MAN2A2: variants seen among roughly 807,000 people sequenced by gnomAD.
MAN2A2 encodes mannosidase alpha class 2A member 2, also known as alpha-mannosidase 2x.
MAN2A2 carries 79 observed loss-of-function variants against 126.8 expected under a neutral mutation model. The observed-to-expected ratio is 0.62, with a 90% CI of 0.52 to 0.75. The LOEUF is 0.75. Among genes scored for constraint, MAN2A2 ranks in the 30% least tolerant of loss-of-function variants. The pLI is 0.00. For synonymous variants in MAN2A2, 671 were observed against 618.7 expected, an observed-to-expected ratio of 1.08 and a Z score of -1.25; for missense variants, 1,392 against 1,522.4, an observed-to-expected ratio of 0.91 and a Z score of 1.43.
chr15:90,910,794 G>T lies in MAN2A2; in HGVS notation c.1761-53G>T. 1.9e-6 allele frequency: 3 copies of T among 1,600,416 alleles called. No homozygotes were observed. The South Asian group carries it at 3.3e-5, about 18-fold the overall frequency. On this transcript the variant is annotated intron_variant, in intron 11 of 22. Transcript: ENST00000559717. The stretch of plus-strand genomic sequence containing the variant: ...TAGGGCTTGTCCTGCTGACAAGGCA[G>T]ACAGCTTCCCTATGGTCATCTTCTC...
Position 90,911,245 on chromosome 15 carries a change from T to C in MAN2A2, c.1943+7T>C. 1 of 1,614,038 alleles carries C rather than the reference T, an allele frequency of 6.2e-7. No homozygotes were observed. The highest frequency in any genetic ancestry group is 1.1e-5 in the South Asian group (1 of 91,076). On this transcript the variant is annotated splice_region_variant and intron_variant, in intron 13 of 22. Transcript: ENST00000559717. Reference sequence around the variant, plus strand: ...AGCTGGATTCCTCGCCCAGGTAACCTGGACTACGCCATGTGCAGAGAGGCA... The same window carrying C: ...AGCTGGATTCCTCGCCCAGGTAACCCGGACTACGCCATGTGCAGAGAGGCA...
intron 19 of MAN2A2, 21 bp from the exon 20 acceptor site, chr15:90,916,102 A>G: frequency 6.2e-7 from 1 of 1,612,458 alleles, no homozygotes; most frequent in Admixed American, 1.7e-5. Flanking sequence ...GCGGGCCAGC[A>G]CTCACTGTTT....
At position 90,922,517 on chromosome 15, in the gene MAN2A2, C is replaced by T. The variant is rs1332266487; in HGVS notation, c.*2730C>T. The T allele has an allele frequency of 6.6e-6, 1 of 152,090 alleles. No homozygotes were observed. Among genetic ancestry groups the T allele is most frequent in the Non-Finnish European group, 1.5e-5 (1 of 68,030 alleles). 9.4% of individuals were successfully genotyped at this position (152,090 alleles called of 1,614,324 possible). ...TTTGCTAGTAGAATTTGTAATCAAA[C>T]AATAGGAGGGGAATCTGTGAACGCC... On this transcript the variant is annotated 3_prime_UTR_variant, in exon 23 of 23. Coordinates refer to ENST00000559717, the MANE Select transcript of MAN2A2 (RefSeq NM_006122.4).
chr15:90,904,074 C>A (rs1162747295), intron 1 of MAN2A2, 116 bp from the exon 2 acceptor site: 2 of 1,165,846 alleles, frequency 1.7e-6, no homozygotes, highest in South Asian at 1.2e-5. Context: ...CTACTTGGAG[C>A]CAGGCAAATG....
chr15:90,906,912 G>A lies in MAN2A2; in HGVS notation c.1008G>A (p.Trp336Ter). The change falls in exon 7 of 23, where the codon TGG (tryptophan) becomes TGA (stop). Residue 336 changes from tryptophan to a stop codon, truncating the protein, a stop_gained and splice_region_variant. Coordinates refer to ENST00000559717, the MANE Select transcript of MAN2A2 (RefSeq NM_006122.4). LOFTEE classifies it high-confidence loss of function. Reference protein sequence around the residue: ...HSLEFMWRQTWDSDSSTDIFC... With the variant: ...HSLEFMWRQT ...TAGAGTTCATGTGGAGGCAGACATG[G>A]GGTAAGGCCGGGTAGGGTAGAGGGG... The A allele has an allele frequency of 6.2e-7, 1 of 1,613,732 alleles. No homozygotes were observed.
At chr15:90,907,631 C>A in intron 8 of MAN2A2, 136 bp downstream of exon 8, 1 of 788,308 alleles carries the variant, frequency 1.3e-6, no homozygotes, top group Non-Finnish European at 2.0e-6. Flanking sequence ...CTTACTAAGT[C>A]TCCTGAAAAA....
At position 90,911,549 on chromosome 15, in the gene MAN2A2, A is replaced by C. The variant is rs766663597; in HGVS notation, c.2108A>C (p.Gln703Pro). The C allele has an allele frequency of 6.2e-7, 1 of 1,609,822 alleles. No individual in the cohort carries two copies. Among genetic ancestry groups the C allele is most frequent in the African/African-American group, 1.3e-5 (1 of 74,832 alleles). ...SATEAVPDVY[Q>P]VSVPVRLPAL... Reference sequence around the variant, plus strand: ...ACCGAGGCGGTCCCTGACGTCTACCAGGTGAGGTGTGGGCTTGTCAGGTGG... The same window carrying C: ...ACCGAGGCGGTCCCTGACGTCTACCCGGTGAGGTGTGGGCTTGTCAGGTGG... The change falls in exon 14 of 23, where the codon CAG (glutamine) becomes CCG (proline). Residue 703 changes from glutamine (Q) to proline (P), a missense_variant and splice_region_variant. Physicochemically the swap from Gln to Pro is moderately conservative, Grantham distance 76 (BLOSUM62 -1). Transcript: ENST00000559717.
chr15:90,905,505 G>C lies in MAN2A2; in HGVS notation c.387G>C (p.Leu129=), dbSNP rs1351854440. The change falls in exon 3 of 23, where the codon CTG becomes CTC. Residue 129 remains leucine (L), a synonymous_variant. Transcript: ENST00000559717. ...GGGGCCGGGGTCAGAAGCCAGAGCT[G>C]CAGGTAAGAGTCAGAGCTGGCAGGG... The part of the protein sequence containing the change: ...ALGGRGQKPE[L]QMLTVSEELP... The C allele has an allele frequency of 1.2e-6, 2 of 1,614,128 alleles. No homozygotes were observed. Among genetic ancestry groups the C allele is most frequent in the South Asian group, 2.2e-5 (2 of 91,088 alleles).
At chr15:90,904,410 C>A in intron 2 of MAN2A2, 71 bp downstream of exon 2, 1 of 1,507,640 alleles carries the variant, frequency 6.6e-7, no homozygotes, top group East Asian at 2.4e-5. Context: ...CCTCCCACCC[C>A]GCCGCCTCCC....
At chr15:90,916,358 A>G (rs998798434) in intron 20 of MAN2A2, 102 bp downstream of exon 20, 3 of 1,447,656 alleles carry the variant, frequency 2.1e-6, no homozygotes, top group Middle Eastern at 2.2e-4. Context: ...GGAGGTGGGC[A>G]AGAGAGAGAG....
chr15:90,910,594 G>A lies in MAN2A2; in HGVS notation c.1671G>A (p.Thr557=), dbSNP rs1202836519. The A allele has an allele frequency of 1.3e-5, 21 of 1,614,044 alleles. No individual in the cohort carries two copies. The highest frequency in any genetic ancestry group is 1.5e-5 in the Non-Finnish European group (18 of 1,180,032). Residue 557 remains threonine (T), a synonymous_variant, in exon 11 of 23, where the codon ACG becomes ACA. Transcript: ENST00000559717. The part of the protein sequence containing the change: ...RYPLSDFTLL[T]EARRTLGLFQ... ...CACTGTCTGATTTCACCCTCCTGAC[G>A]GAAGCTCGGCGCACATTGGGGCTCT...
upstream of MAN2A2, chr15:90,902,929 A>G (rs1301688073): frequency 6.6e-6 from 1 of 150,648 alleles, no homozygotes; most frequent in African/African-American, 2.4e-5. Flanking sequence ...GAGAGCCGGC[A>G]GCTCGGCCGA....
In MAN2A2 at chr15:90,910,679, G is replaced by T. The variant is rs1184882455; in HGVS notation, c.1756G>T (p.Val586Phe). Residue 586 changes from valine to phenylalanine, a missense_variant, in exon 11 of 23, where the codon GTC (valine) becomes TTC (phenylalanine). Transcript: ENST00000559717. ...AKEAVVVDYGVRLLRSLVNLK... is the reference protein window; with the variant it reads ...AKEAVVVDYGFRLLRSLVNLK... ...GGAGGCTGTGGTGGTGGACTATGGG[G>T]TCAGGTGGGAGCCTTCTCTTTTCCC... 6.2e-7 allele frequency: 1 copy of T among 1,613,916 alleles called. No homozygotes were observed. The highest frequency in any genetic ancestry group is 1.3e-5 in the African/African-American group (1 of 75,044).
At chr15:90,916,305 G>C in intron 20 of MAN2A2, 49 bp downstream of exon 20, 1 of 1,590,438 alleles carries the variant, frequency 6.3e-7, no homozygotes, top group Non-Finnish European at 8.6e-7. Context: ...CTAGTCCCTG[G>C]GGGTGGCCGG....
Position 90,913,587 on chromosome 15 carries a change from C to T in MAN2A2, c.2719-27C>T, listed in dbSNP as rs184557859. 2,054 of 1,599,968 alleles carry T rather than the reference C, an allele frequency of 1.3e-3. 29 individuals carry two copies. The Admixed American group carries it at 0.025, about 20-fold the overall frequency. On this transcript the variant is annotated intron_variant, in intron 18 of 22. Coordinates refer to ENST00000559717, the MANE Select transcript of MAN2A2 (RefSeq NM_006122.4). ...TGGGCCCACATGGTGCCCGGGTGCC[C>T]TTGATCTGCTGGCCTTGCCCCCACA... is the stretch of plus-strand genomic sequence containing the variant.
intron 2 of MAN2A2, among the ~76,000 whole-genome samples, chr15:90,904,818 C>T (rs1287732627): frequency 6.6e-6 from 1 of 152,224 alleles, no homozygotes; most frequent in East Asian, 1.9e-4. Flanking sequence ...TGGTCTTGAA[C>T]TCCTGACCTC....
In MAN2A2 at chr15:90,907,244, A is replaced by G. The variant is rs144101707; in HGVS notation, c.1010-65A>G. 477 of 1,513,774 alleles carry G rather than the reference A, an allele frequency of 3.2e-4. 1 individual carries two copies. The African/African-American group carries it at 5.1e-3, about 16-fold the overall frequency. 93.8% of individuals were successfully genotyped at this position (1,513,774 alleles called of 1,614,324 possible). On this transcript the variant is annotated intron_variant, in intron 7 of 22. Transcript: ENST00000559717. ...TCAGGGCTGCCTTTAGCCTGAACAG[A>G]TCCTTGCCCCCCTGGCGTCCAGAGG...
At position 90,921,847 on chromosome 15, in the gene MAN2A2, A is replaced by G. The variant is rs1270412751; in HGVS notation, c.*2060A>G. 2.0e-5 allele frequency: 3 copies of G among 152,092 alleles called. No homozygotes were observed. Among genetic ancestry groups the G allele is most frequent in the Non-Finnish European group, 4.4e-5 (3 of 68,020 alleles). The allele number at this position is 152,092 out of a possible 1,614,324, so 9.4% of individuals were successfully genotyped here. A position where few individuals can be genotyped will look rare whatever the true frequency, so the allele number is the denominator to read the frequency against. On this transcript the variant is annotated 3_prime_UTR_variant, in exon 23 of 23. Transcript: ENST00000559717. ...GGCAGGAGAATCACATCAACCTGGG[A>G]GGCGGAGGTTGCAGTGAGCTTAGAT...
chr15:90,922,512 TCAAA>T lies in MAN2A2; in HGVS notation c.*2729_*2732del, dbSNP rs1404691455. Reference sequence around the variant, plus strand: ...TGTCATTTGCTAGTAGAATTTGTAATCAAACAATAGGAGGGGAATCTGTGAACGC... The same window carrying T: ...TGTCATTTGCTAGTAGAATTTGTAATCAATAGGAGGGGAATCTGTGAACGC... On this transcript the variant is annotated 3_prime_UTR_variant, in exon 23 of 23. Transcript: ENST00000559717. 1.3e-5 allele frequency: 2 copies of T among 152,152 alleles called. No individual in the cohort carries two copies. The highest frequency in any genetic ancestry group is 2.9e-5 in the Non-Finnish European group (2 of 68,020). The allele number at this position is 152,152 out of a possible 1,614,324, so 9.4% of individuals were successfully genotyped here. A position where few individuals can be genotyped will look rare whatever the true frequency, so the allele number is the denominator to read the frequency against.
Sources: allele counts gnomAD v4.1 joint callset (sites outside exome capture counted in the v4.1 genomes callset), GRCh38; gene constraint gnomAD v4.1.1; transcripts MANE v1.5; gene names NCBI Gene and HGNC (gene_info 2026-07-23, HGNC 2026-07-21).